The following NID1 variants were observed in gnomAD, a reference collection of about 807,000 sequenced individuals.
NID1 encodes the protein nidogen 1, also known as nidogen-1.
In NID1, 76 loss-of-function variants were observed where a neutral mutation model predicts 130.6. That is an observed-to-expected ratio of 0.58 (90% CI 0.48 to 0.70). The LOEUF is 0.70. NID1 is among the 30% of genes least tolerant of loss of function. The pLI, the probability that NID1 is intolerant of heterozygous loss-of-function variation, is 0.00. For missense variants in NID1, 1,517 were observed against 1,664.8 expected, an observed-to-expected ratio of 0.91 and a Z score of 1.54; for synonymous variants, 665 against 675.1, an observed-to-expected ratio of 0.98 and a Z score of 0.23.
Position 236,002,641 on chromosome 1 carries a change from G to A in NID1, c.2528-8769C>T, listed in dbSNP as rs16833099. On this transcript the variant is annotated intron_variant, in intron 12 of 19. Transcript: ENST00000264187. ...AGCTTTGCAGGCTGAGAGTGCAGAC[G>A]GATAGGAAGTCAAGAAATTCCAAGC... Among the ~76,000 whole-genome samples the A allele has an allele frequency of 6.6e-4, 101 of 152,320 alleles. No homozygotes were observed. In the East Asian group the frequency reaches 0.015, roughly 23 times the overall value.
At position 235,985,448 on chromosome 1, in the gene NID1, C is replaced by G; in HGVS notation, c.2986G>C (p.Asp996His). 1 of 1,614,118 alleles carries G rather than the reference C, an allele frequency of 6.2e-7. No individual in the cohort carries two copies. Among genetic ancestry groups the G allele is most frequent in the South Asian group, 1.1e-5 (1 of 91,074 alleles). Residue 996 changes from aspartate (D) to histidine (H), a missense_variant, in exon 15 of 20, where the codon GAC (aspartate) becomes CAC (histidine). Around this residue, in one of 3 missense-constraint regions of NID1, gnomAD observed 1,329 missense variants for 1,429.2 expected, o/e 0.93. Transcript: ENST00000264187. ...CTCCCAATGGAAGGCTCAGTGATGT[C>G]CGTCCAGTAAACCATCTTGTCCACG... ...DCVDKMVYWT[D>H]ITEPSIGRAS...
At chr1:236,039,525 A>G (rs1659387117) in intron 4 of NID1, among the ~76,000 whole-genome samples, 1 of 152,214 alleles carries the variant, frequency 6.6e-6, no homozygotes. Context: ...GACCCAAGAA[A>G]GAAAAAGAAC....
chr1:236,012,706 T>G (rs774593258), intron 11 of NID1, among the ~76,000 whole-genome samples: 5 of 152,218 alleles, frequency 3.3e-5, no homozygotes, highest in African/African-American at 7.2e-5. Context: ...ACTGACAGAT[T>G]ATTAACTGCT....
intron 7 of NID1, among the ~76,000 whole-genome samples, chr1:236,028,623 A>G (rs6695504): frequency 6.6e-6 from 1 of 152,176 alleles, no homozygotes; most frequent in African/African-American, 2.4e-5. Context: ...TAGGAAAAAC[A>G]AATGAAGTGT....
In NID1 at chr1:236,048,731, G is replaced by C; in HGVS notation, c.484C>G (p.Pro162Ala). Residue 162 changes from proline (P) to alanine (A), a missense_variant, in exon 2 of 20, where the codon CCC becomes GCC. Physicochemically the swap from Pro to Ala is conservative, Grantham distance 27 (BLOSUM62 -1). Transcript: ENST00000264187. ...AVVVTWESVAPYQGPSRDPDQ... is the reference protein window; with the variant it reads ...AVVVTWESVAAYQGPSRDPDQ... ...GGGTCCCTGCTGGGCCCTTGGTAGGGGGCCACGGATTCCCAAGTGACAACC... is the reference window on the plus strand; with the variant it reads ...GGGTCCCTGCTGGGCCCTTGGTAGGCGGCCACGGATTCCCAAGTGACAACC... The C allele has an allele frequency of 1.2e-6, 2 of 1,612,590 alleles. No homozygotes were observed. The highest frequency in any genetic ancestry group is 1.7e-6 in the Non-Finnish European group (2 of 1,180,016).
At position 235,976,054 on chromosome 1, in the gene NID1, T is replaced by C. The variant is rs1657238219; in HGVS notation, c.*1813A>G. On this transcript the variant is annotated 3_prime_UTR_variant, in exon 20 of 20. Coordinates refer to ENST00000264187, the MANE Select transcript of NID1 (RefSeq NM_002508.3). ...CATGATGAACATTTGATATAGAGGG[T>C]TTAATATGAAACGATAAATACAAAA... 1 of 152,116 alleles carries C rather than the reference T, an allele frequency of 6.6e-6. No individual in the cohort carries two copies. Among genetic ancestry groups the C allele is most frequent in the Non-Finnish European group, 1.5e-5 (1 of 67,932 alleles). 9.4% of individuals were successfully genotyped at this position (152,116 alleles called of 1,614,324 possible).
intron 12 of NID1, among the ~76,000 whole-genome samples, chr1:236,003,183 C>T (rs968411028): frequency 6.7e-5 from 10 of 149,560 alleles, no homozygotes; most frequent in African/African-American, 1.3e-4. Flanking sequence ...TCCTAGTGAA[C>T]GACTGGTAGT....
At chr1:235,988,766 G>A (rs903393377) in intron 14 of NID1, among the ~76,000 whole-genome samples, 34 of 152,100 alleles carry the variant, frequency 2.2e-4, no homozygotes, top group African/African-American at 7.7e-4. Flanking sequence ...TGCCAGACAC[G>A]AATGACAAAT....
chr1:235,999,880 G>C (rs1180609049), intron 12 of NID1, among the ~76,000 whole-genome samples: 1 of 152,150 alleles, frequency 6.6e-6, no homozygotes, highest in African/African-American at 2.4e-5. Context: ...GGGAGGGTTG[G>C]CCACGTCTCA....
chr1:236,013,636 T>A (rs898848603), intron 10 of NID1, 76 bp from the exon 11 acceptor site: 2 of 1,568,092 alleles, frequency 1.3e-6, no homozygotes, highest in Non-Finnish European at 1.7e-6. Flanking sequence ...CCCAGCTCTA[T>A]AAAGAGAGAC....
intron 15 of NID1, among the ~76,000 whole-genome samples, chr1:235,982,412 G>T (rs1572575284): frequency 6.6e-6 from 1 of 152,168 alleles, no homozygotes; most frequent in East Asian, 1.9e-4. Context: ...TCTTAAGATA[G>T]GGAATGGAAA....
At chr1:236,001,485 A>C (rs1229560324) in intron 12 of NID1, among the ~76,000 whole-genome samples, 1 of 152,160 alleles carries the variant, frequency 6.6e-6, no homozygotes, top group African/African-American at 2.4e-5. Context: ...AAGACTGCCA[A>C]ATTTCCAAGA....
chr1:236,025,890 C>G lies in NID1; in HGVS notation c.1984+6G>C. The G allele has an allele frequency of 6.2e-7, 1 of 1,613,728 alleles. No individual in the cohort carries two copies. The highest frequency in any genetic ancestry group is 8.5e-7 in the Non-Finnish European group (1 of 1,179,762). ...CCTGTGCCCAGCATGAGCTGTATCC[C>G]CTTACCCCTCACAGGCCCAATGGAG... is the stretch of plus-strand genomic sequence containing the variant. On this transcript the variant is annotated splice_donor_region_variant and intron_variant, in intron 8 of 19. Transcript: ENST00000264187.
rs777738397 is a variant in NID1 at position 236,041,992 on chromosome 1, C to T, written c.1053G>A (p.Arg351=). The change falls in exon 4 of 20, where the codon AGG becomes AGA. Residue 351 remains arginine, a synonymous_variant. Transcript: ENST00000264187. Reference sequence around the variant, plus strand: ...AAGTCTCCACTGCCAACTGGAAAGACCTGGTTCTCTCTGTGGGAGGTCCAA... The same window carrying T: ...AAGTCTCCACTGCCAACTGGAAAGATCTGGTTCTCTCTGTGGGAGGTCCAA... ...RPLGPPTERT[R]SFQLAVETFH... is the part of the protein sequence containing the mutation. The T allele has an allele frequency of 6.2e-7, 1 of 1,614,186 alleles. No individual in the cohort carries two copies. Among genetic ancestry groups the T allele is most frequent in the South Asian group, 1.1e-5 (1 of 91,074 alleles).
rs1659575421 is a variant in NID1 at position 236,045,494 on chromosome 1, A to G, written c.715T>C (p.Phe239Leu). 2.5e-6 allele frequency: 4 copies of G among 1,614,172 alleles called. No individual in the cohort carries two copies. The highest frequency in any genetic ancestry group is 3.4e-6 in the Non-Finnish European group (4 of 1,180,040). ...LWKSNGAYNI[F>L]ANDRESVENL... ...TCAACTGATTCCCTGTCATTAGCAA[A>G]TATGTTATAAGCTCCGTTGCTCTTC... Residue 239 changes from phenylalanine (F) to leucine (L), a missense_variant, in exon 3 of 20, where the codon TTT becomes CTT. Physicochemically the swap from Phe to Leu is conservative, Grantham distance 22. Coordinates refer to ENST00000264187, the MANE Select transcript of NID1 (RefSeq NM_002508.3).
intron 2 of NID1, 25 bp downstream of exon 2, chr1:236,048,659 TACCTGC>T: frequency 1.9e-6 from 3 of 1,598,922 alleles, no homozygotes; most frequent in Non-Finnish European, 2.5e-6. Flanking sequence ...TGTGTCTGAT[TACCTGC>T]ACTTGGACCT....
In NID1 at chr1:236,049,496, G is replaced by T. The variant is rs576991686; in HGVS notation, c.226-507C>A. Among the ~76,000 whole-genome samples, 14 of 151,942 alleles carry T rather than the reference G, an allele frequency of 9.2e-5. No individual in the cohort carries two copies. In the South Asian group the frequency reaches 1.7e-3, roughly 18 times the overall value. ...CCTTGTCTCAAAAAAGAAAAAGAAA[G>T]AAAAGAAAAATGGTTAAGGTCCAGC... is the stretch of plus-strand genomic sequence containing the variant. On this transcript the variant is annotated intron_variant, in intron 1 of 19. Coordinates refer to ENST00000264187, the MANE Select transcript of NID1 (RefSeq NM_002508.3).
intron 12 of NID1, among the ~76,000 whole-genome samples, chr1:236,010,850 T>C (rs1032146186): frequency 2.0e-5 from 3 of 152,268 alleles, no homozygotes; most frequent in Non-Finnish European, 2.9e-5. Context: ...CTTAATCTGA[T>C]ATTTTCTCTT....
intron 2 of NID1, among the ~76,000 whole-genome samples, chr1:236,047,639 T>G (rs557293023): frequency 3.9e-5 from 6 of 152,166 alleles, no homozygotes; most frequent in Non-Finnish European, 8.8e-5. Flanking sequence ...TCTCCCCAAC[T>G]AGAGTCTGGG....
Sources: allele counts gnomAD v4.1 joint callset (sites outside exome capture counted in the v4.1 genomes callset), GRCh38; gene constraint gnomAD v4.1.1; regional missense constraint gnomAD v4.1.1; transcripts MANE v1.5; gene names NCBI Gene and HGNC (gene_info 2026-07-23, HGNC 2026-07-21).